SORCS3: variants seen among roughly 807,000 people sequenced by gnomAD.
The protein encoded by SORCS3 is sortilin related VPS10 domain containing receptor 3, also known as VPS10 domain-containing receptor SorCS3.
A neutral mutation model predicts 146.3 loss-of-function variants in SORCS3; 57 were observed. The ratio of observed to expected loss-of-function variants is 0.39; its 90% confidence interval spans 0.31 to 0.49. The LOEUF is 0.49. SORCS3 is among the 20% of genes least tolerant of loss of function. SORCS3 has a pLI of 0.92. For missense variants in SORCS3, 1,341 were observed against 1,575.5 expected, an observed-to-expected ratio of 0.85 and a Z score of 2.52; for synonymous variants, 653 against 618.5, an observed-to-expected ratio of 1.06 and a Z score of -0.83.
rs138230587 is a variant in SORCS3, at chr10:105,077,963, C to T, written c.1029-11812C>T. ...GGGAGGAAATCTTCCAAAGTGCCCA[C>T]GAGAGAAGCCGTGTTCATTTGAGCT... On this transcript the variant is annotated intron_variant, in intron 5 of 26. Transcript: ENST00000369701. Among the ~76,000 whole-genome samples, 465 of 152,218 alleles carry T rather than the reference C, an allele frequency of 3.1e-3. 3 individuals carry two copies. The highest frequency in any genetic ancestry group is 9.6e-3 in the African/African-American group (398 of 41,532).
chr10:104,876,316 T>C (rs1256768900), intron 2 of SORCS3, among the ~76,000 whole-genome samples: 1 of 152,236 alleles, frequency 6.6e-6, no homozygotes, highest in Non-Finnish European at 1.5e-5. Flanking sequence ...ATGGTACTTA[T>C]TTTAATACTG....
intron 20 of SORCS3, among the ~76,000 whole-genome samples, chr10:105,230,388 G>T (rs1163986791): frequency 6.6e-6 from 1 of 152,062 alleles, no homozygotes; most frequent in African/African-American, 2.4e-5. Context: ...TGCTTTTAGT[G>T]GTGGGCAGGG....
At chr10:104,736,142 G>A (rs1450685468) in intron 1 of SORCS3, among the ~76,000 whole-genome samples, 8 of 152,150 alleles carry the variant, frequency 5.3e-5, no homozygotes, top group Non-Finnish European at 8.8e-5. Context: ...TTGTCCTCCT[G>A]CGACTGGACT....
At chr10:104,645,472 C>G (rs943085335) in intron 1 of SORCS3, among the ~76,000 whole-genome samples, 3 of 152,186 alleles carry the variant, frequency 2.0e-5, no homozygotes, top group African/African-American at 7.2e-5. Context: ...TTCATGGGGC[C>G]CCCATTCCTG....
chr10:105,252,713 T>C, intron 22 of SORCS3, 62 bp from the exon 23 acceptor site: 3 of 1,606,692 alleles, frequency 1.9e-6, no homozygotes, highest in Non-Finnish European at 2.6e-6. Context: ...ACTCTGCTCT[T>C]GTCATTGATT....
intron 1 of SORCS3, among the ~76,000 whole-genome samples, chr10:104,649,547 A>G (rs190808192): frequency 8.5e-5 from 13 of 152,334 alleles, no homozygotes; most frequent in Admixed American, 2.6e-4. Context: ...TTTCCCAGTG[A>G]GCTGATGGCA....
At chr10:105,068,814 A>G (rs965773867) in intron 5 of SORCS3, among the ~76,000 whole-genome samples, 3 of 152,224 alleles carry the variant, frequency 2.0e-5, no homozygotes, top group African/African-American at 7.2e-5. Context: ...AATGAATAGA[A>G]ATCAATGGAA....
chr10:104,741,700 G>GTTTTTTTTTTTT, intron 1 of SORCS3, among the ~76,000 whole-genome samples: 1 of 3,266 alleles, frequency 3.1e-4, no homozygotes, highest in African/African-American at 1.1e-3. Flanking sequence ...TCCATTCTGG[G>GTTTTTTTTTTTT]TTTTTTTTTT....
intron 18 of SORCS3, 51 bp from the exon 19 acceptor site, chr10:105,216,884 AG>A (rs1166327310): frequency 4.4e-6 from 7 of 1,578,464 alleles, no homozygotes; most frequent in Middle Eastern, 1.7e-4. Context: ...AGCATCAGAT[AG>A]GAGTCTGGCT....
At chr10:104,835,709 C>T (rs1379841866) in intron 1 of SORCS3, among the ~76,000 whole-genome samples, 1 of 152,156 alleles carries the variant, frequency 6.6e-6, no homozygotes, top group Non-Finnish European at 1.5e-5. Context: ...TCCTGCATTG[C>T]AGTTAGGGTC....
intron 1 of SORCS3, among the ~76,000 whole-genome samples, chr10:104,746,004 A>T (rs1031384195): frequency 6.6e-6 from 1 of 152,186 alleles, no homozygotes; most frequent in African/African-American, 2.4e-5. Context: ...GGTTGCATCC[A>T]TATCAAAAGG....
intron 2 of SORCS3, among the ~76,000 whole-genome samples, chr10:104,869,538 A>G (rs2451493): frequency 0.12 from 18,962 of 152,238 alleles, 1,998 homozygotes; most frequent in African/African-American, 0.3. Context: ...GTTTAACCAG[A>G]TATCTGAGCA....
At chr10:104,952,691 C>T (rs1202827888) in intron 3 of SORCS3, among the ~76,000 whole-genome samples, 9 of 152,106 alleles carry the variant, frequency 5.9e-5, no homozygotes, top group Non-Finnish European at 1.5e-5. Context: ...TTCTATATCC[C>T]TGCTCCTCCA....
intron 14 of SORCS3, among the ~76,000 whole-genome samples, chr10:105,199,056 C>G (rs757538438): frequency 1.3e-5 from 2 of 152,138 alleles, no homozygotes; most frequent in South Asian, 4.2e-4. Flanking sequence ...GAGGAGAATC[C>G]AGGGCTGGTA....
At chr10:105,224,318 A>G (rs1480563160) in intron 20 of SORCS3, among the ~76,000 whole-genome samples, 3 of 152,182 alleles carry the variant, frequency 2.0e-5, no homozygotes, top group Non-Finnish European at 4.4e-5. Flanking sequence ...CCAGAATGTC[A>G]TATAGTTGGA....
chr10:104,800,778 T>C (rs2133509169), intron 1 of SORCS3, among the ~76,000 whole-genome samples: 1 of 152,204 alleles, frequency 6.6e-6, no homozygotes, highest in African/African-American at 2.4e-5. Context: ...AAACAATAGC[T>C]CCCCAGGATT....
intron 1 of SORCS3, among the ~76,000 whole-genome samples, chr10:104,790,984 TTC>T (rs1302757785): frequency 1.3e-5 from 2 of 152,232 alleles, no homozygotes; most frequent in African/African-American, 2.4e-5. Context: ...ACACTTTTTT[TTC>T]TCTCTCTATT....
chr10:104,807,978 G>A (rs1282041538), intron 1 of SORCS3, among the ~76,000 whole-genome samples: 1 of 152,214 alleles, frequency 6.6e-6, no homozygotes, highest in Non-Finnish European at 1.5e-5. Context: ...GTATATTATG[G>A]TGTTCACAGT....
chr10:104,659,004 G>A (rs1398013686), intron 1 of SORCS3, among the ~76,000 whole-genome samples: 1 of 151,808 alleles, frequency 6.6e-6, no homozygotes, highest in Non-Finnish European at 1.5e-5. Flanking sequence ...ATAGTTGCAA[G>A]GATCAAAATG....
Sources: allele counts gnomAD v4.1 joint callset (sites outside exome capture counted in the v4.1 genomes callset), GRCh38; gene constraint gnomAD v4.1.1; transcripts MANE v1.5; gene names NCBI Gene and HGNC (gene_info 2026-07-23, HGNC 2026-07-21).